The following SLC39A11 variants were observed in gnomAD, a reference collection of about 807,000 sequenced individuals.
SLC39A11 encodes zinc transporter ZIP11.
A neutral mutation model predicts 36.1 loss-of-function variants in SLC39A11; 33 were observed. The observed-to-expected ratio is 0.91, with a 90% CI of 0.69 to 1.22. The LOEUF is 1.22. Ranked by LOEUF, SLC39A11 falls within the 50% of genes most tolerant of loss-of-function variation. The probability of loss-of-function intolerance (pLI) is 0.00; values close to 1 mark genes in which losing one functional copy is unlikely to be tolerated. For synonymous variants in SLC39A11, 166 were observed against 170.3 expected (o/e 0.97, Z 0.20); for missense variants, 432 against 430.3 (o/e 1.00, Z -0.03).
rs142209469 is a variant in SLC39A11 at position 72,757,400 on chromosome 17, C to T, written c.602-20681G>A. ...ATTGAGTTTCTCCTTCAGAGCTGCTCCCAGTTATTTCCTGGTGGTGGGAAA... is the reference window on the plus strand; with the variant it reads ...ATTGAGTTTCTCCTTCAGAGCTGCTTCCAGTTATTTCCTGGTGGTGGGAAA... On this transcript the variant is annotated intron_variant, in intron 6 of 9. Transcript: ENST00000255559. 1.1e-3 allele frequency among the ~76,000 whole-genome samples: 175 copies of T among 152,248 alleles called. 2 individuals carry two copies. Among genetic ancestry groups the T allele is most frequent in the Middle Eastern group, 6.8e-3 (2 of 294 alleles).
chr17:72,684,641 CACT>C (rs778911325), intron 7 of SLC39A11, among the ~76,000 whole-genome samples: 87 of 152,334 alleles, frequency 5.7e-4, no homozygotes, highest in Non-Finnish European at 1.0e-3. Context: ...TCGCGGCCAC[CACT>C]ATCATCCACC....
At chr17:72,933,846 C>T (rs559285537) in intron 5 of SLC39A11, among the ~76,000 whole-genome samples, 6 of 152,160 alleles carry the variant, frequency 3.9e-5, no homozygotes, top group East Asian at 3.9e-4. Context: ...TAGATATTGG[C>T]AAGCTGATTC....
intron 4 of SLC39A11, among the ~76,000 whole-genome samples, chr17:73,008,103 A>AG (rs1202509408): frequency 8.6e-5 from 12 of 139,374 alleles, no homozygotes; most frequent in Non-Finnish European, 1.9e-4. Context: ...ACTCAGTCTC[A>AG]AAAAAAAGAA....
At chr17:73,029,729 G>A (rs1006844777) in intron 4 of SLC39A11, among the ~76,000 whole-genome samples, 2 of 151,800 alleles carry the variant, frequency 1.3e-5, no homozygotes, top group African/African-American at 2.4e-5. Flanking sequence ...TTACAGGTGC[G>A]CACCACCACA....
chr17:72,657,378 A>T lies in SLC39A11; in HGVS notation c.672-8110T>A, dbSNP rs543305887. 3.3e-5 allele frequency among the ~76,000 whole-genome samples: 5 copies of T among 152,282 alleles called. No homozygotes were observed. The East Asian group carries it at 7.7e-4, about 24-fold the overall frequency. On this transcript the variant is annotated intron_variant, in intron 7 of 9. Coordinates refer to ENST00000255559, the MANE Select transcript of SLC39A11 (RefSeq NM_139177.4). The stretch of plus-strand genomic sequence containing the variant: ...CTGCCTCAAAACAAACAAACAAACA[A>T]ACAAAAGATAAATAAATAAATAAAA...
At chr17:72,753,888 A>AC (rs1491382761) in intron 6 of SLC39A11, among the ~76,000 whole-genome samples, 1 of 118,956 alleles carries the variant, frequency 8.4e-6, no homozygotes, top group African/African-American at 3.8e-5. Flanking sequence ...AAGTCATTAT[A>AC]CAAAAAAAAA....
At chr17:72,967,672 A>G (rs572623513) in intron 4 of SLC39A11, among the ~76,000 whole-genome samples, 1 of 152,300 alleles carries the variant, frequency 6.6e-6, no homozygotes, top group African/African-American at 2.4e-5. Flanking sequence ...ATCAGAGGCA[A>G]AAGGTACTGA....
intron 1 of SLC39A11, among the ~76,000 whole-genome samples, chr17:73,089,359 A>G (rs1312090045): frequency 1.3e-5 from 2 of 152,152 alleles, no homozygotes; most frequent in African/African-American, 4.8e-5. Context: ...ACCCAACTCC[A>G]GCTCAACTGA....
intron 4 of SLC39A11, among the ~76,000 whole-genome samples, chr17:72,986,835 C>T (rs1020626475): frequency 1.3e-5 from 2 of 152,144 alleles, no homozygotes; most frequent in African/African-American, 4.8e-5. Flanking sequence ...AGACCAGCCT[C>T]GCCAACATGA....
chr17:72,811,131 A>G lies in SLC39A11; in HGVS notation c.601+38503T>C, dbSNP rs534369751. On this transcript the variant is annotated intron_variant, in intron 6 of 9. Coordinates refer to ENST00000255559, the MANE Select transcript of SLC39A11 (RefSeq NM_139177.4). ...ATACCTGAGCAGCTTACAAACAACA[A>G]TTGTTTGTTTCTCACAGTTCTTGAG... Among the ~76,000 whole-genome samples the G allele has an allele frequency of 6.6e-5, 10 of 152,228 alleles. 1 individual carries two copies. The South Asian group carries it at 1.9e-3, about 28-fold the overall frequency.
In SLC39A11 at chr17:72,725,314, C is replaced by A. The variant is rs1277953829; in HGVS notation, c.671+11336G>T. On this transcript the variant is annotated intron_variant, in intron 7 of 9. Transcript: ENST00000255559. ...CTGACACTTTAATTGGCCCATTTCA[C>A]ATTTCTACCCCTCTACGTAGGGTCA... 3.9e-5 allele frequency among the ~76,000 whole-genome samples: 6 copies of A among 152,276 alleles called. No individual in the cohort carries two copies. The East Asian group carries it at 1.2e-3, about 29-fold the overall frequency.
At chr17:72,887,661 A>T (rs1295491973) in intron 5 of SLC39A11, among the ~76,000 whole-genome samples, 1 of 152,226 alleles carries the variant, frequency 6.6e-6, no homozygotes, top group African/African-American at 2.4e-5. Flanking sequence ...CTGATATAAA[A>T]GATTGCTTAT....
intron 6 of SLC39A11, among the ~76,000 whole-genome samples, chr17:72,748,041 G>C (rs190219785): frequency 6.6e-6 from 1 of 152,288 alleles, no homozygotes; most frequent in Non-Finnish European, 1.5e-5. Flanking sequence ...TATCAATAAG[G>C]CCAGGTGCAG....
At chr17:72,662,517 AAGAAAG>A (rs1369594000) in intron 7 of SLC39A11, among the ~76,000 whole-genome samples, 1 of 128,414 alleles carries the variant, frequency 7.8e-6, no homozygotes, top group Non-Finnish European at 1.7e-5. Flanking sequence ...GAAGAAAGAG[AAGAAAG>A]AGAAAGAAAG....
intron 7 of SLC39A11, among the ~76,000 whole-genome samples, chr17:72,711,047 G>T (rs1275211438): frequency 1.3e-5 from 2 of 152,178 alleles, no homozygotes; most frequent in East Asian, 3.9e-4. Context: ...CATACAGCAT[G>T]CAAGGCCTCT....
At chr17:72,719,249 A>G (rs79700105) in intron 7 of SLC39A11, among the ~76,000 whole-genome samples, 1 of 152,128 alleles carries the variant, frequency 6.6e-6, no homozygotes, top group South Asian at 2.1e-4. Flanking sequence ...TCTCAAAAAA[A>G]GCAATCCTGA....
intron 3 of SLC39A11, among the ~76,000 whole-genome samples, chr17:73,035,244 G>A (rs569557958): frequency 1.1e-3 from 163 of 152,204 alleles, no homozygotes; most frequent in Non-Finnish European, 2.1e-3. Context: ...AGGTACAAGA[G>A]ATTCTTGTGC....
rs140431425 is a variant in SLC39A11, at chr17:73,009,283, G to A, written c.306+22273C>T. Among the ~76,000 whole-genome samples the A allele has an allele frequency of 3.0e-3, 447 of 148,848 alleles. 2 individuals carry two copies. Among genetic ancestry groups the A allele is most frequent in the Non-Finnish European group, 4.5e-3 (307 of 67,600 alleles). ...ACGGGGGAGGCTGAGGCAGGAGAATGGCGTGAGCTTGCAGTGAGCCGAGAT... is the reference window on the plus strand; with the variant it reads ...ACGGGGGAGGCTGAGGCAGGAGAATAGCGTGAGCTTGCAGTGAGCCGAGAT... On this transcript the variant is annotated intron_variant, in intron 4 of 9. Coordinates refer to ENST00000255559, the MANE Select transcript of SLC39A11 (RefSeq NM_139177.4).
chr17:72,958,258 C>A (rs2086375352), intron 4 of SLC39A11, among the ~76,000 whole-genome samples: 1 of 152,208 alleles, frequency 6.6e-6, no homozygotes. Flanking sequence ...TATAAAAATT[C>A]TAGAAGATAA....
Sources: gnomAD v4.1 joint callset for allele counts (sites outside exome capture counted in the v4.1 genomes callset) on GRCh38, gnomAD v4.1.1 for gene constraint, MANE v1.5 for transcripts, NCBI Gene and HGNC (gene_info 2026-07-23, HGNC 2026-07-21) for gene names.